The following PTPRD variants were observed in gnomAD, a reference collection of about 807,000 sequenced individuals.
PTPRD encodes protein tyrosine phosphatase receptor type D, also known as receptor-type tyrosine-protein phosphatase delta.
Under a neutral mutation model 214.5 loss-of-function variants are expected in PTPRD, and 34 were observed. That is an observed-to-expected ratio of 0.16 (90% CI 0.12 to 0.21). The LOEUF (loss-of-function observed/expected upper bound fraction) is 0.21, where lower values mean the gene tolerates loss of function less well. Among genes scored for constraint, PTPRD ranks in the 10% least tolerant of loss-of-function variants. The probability of loss-of-function intolerance (pLI) is 1.00; values close to 1 mark genes in which losing one functional copy is unlikely to be tolerated. For synonymous variants in PTPRD, 1,128 were observed against 845.7 expected, an observed-to-expected ratio of 1.33 and a Z score of -5.79; for missense variants, 2,545 against 2,398.7, an observed-to-expected ratio of 1.06 and a Z score of -1.27.
chr9:9,257,668 G>A (rs938267575), intron 9 of PTPRD, among the ~76,000 whole-genome samples: 4 of 151,806 alleles, frequency 2.6e-5, no homozygotes, highest in African/African-American at 7.3e-5. Context: ...GCATGATAAT[G>A]TGTGCCTACA....
At chr9:9,677,063 C>T (rs1461365232) in intron 7 of PTPRD, among the ~76,000 whole-genome samples, 1 of 151,870 alleles carries the variant, frequency 6.6e-6, no homozygotes, top group East Asian at 1.9e-4. Context: ...AAAATTTTCT[C>T]CCATTTTGTA....
intron 10 of PTPRD, among the ~76,000 whole-genome samples, chr9:9,076,290 A>G (rs1212808045): frequency 6.6e-6 from 1 of 152,140 alleles, no homozygotes; most frequent in Admixed American, 6.6e-5. Context: ...TCTGGATATT[A>G]GCCCTTTGTC....
rs201585206 is a variant in PTPRD at position 10,283,314 on chromosome 9, C to G, written c.-545+57649G>C. On this transcript the variant is annotated intron_variant, in intron 3 of 45. Coordinates refer to ENST00000381196, the MANE Select transcript of PTPRD (RefSeq NM_002839.4). ...TATGAATTCAGTGTTAGGTTTATTT[C>G]TATGATCTATTGTTTAACATATATC... is the stretch of plus-strand genomic sequence containing the variant. Among the ~76,000 whole-genome samples, 8 of 152,126 alleles carry G rather than the reference C, an allele frequency of 5.3e-5. No homozygotes were observed. The East Asian group carries it at 1.5e-3, about 29-fold the overall frequency.
chr9:10,127,562 A>C (rs2098829057), intron 3 of PTPRD, among the ~76,000 whole-genome samples: 1 of 152,298 alleles, frequency 6.6e-6, no homozygotes, highest in East Asian at 1.9e-4. Flanking sequence ...CAAGTAGGAC[A>C]CAACTTGGAA....
chr9:9,639,457 TA>T (rs2095868591), intron 7 of PTPRD, among the ~76,000 whole-genome samples: 1 of 152,216 alleles, frequency 6.6e-6, no homozygotes, highest in African/African-American at 2.4e-5. Flanking sequence ...TCAAAAGGCA[TA>T]GTTTCACTCT....
chr9:9,490,929 T>C (rs1029706222), intron 8 of PTPRD, among the ~76,000 whole-genome samples: 1 of 150,878 alleles, frequency 6.6e-6, no homozygotes. Context: ...TTAATATGAA[T>C]ATAAATGTAC....
chr9:10,505,908 A>C (rs1388621416), intron 2 of PTPRD, among the ~76,000 whole-genome samples: 14 of 152,174 alleles, frequency 9.2e-5, no homozygotes, highest in Non-Finnish European at 1.8e-4. Flanking sequence ...AAGCAGAAAA[A>C]TAATCAATAA....
intron 3 of PTPRD, among the ~76,000 whole-genome samples, chr9:10,162,838 C>A (rs555909842): frequency 5.3e-5 from 8 of 149,912 alleles, no homozygotes; most frequent in African/African-American, 1.5e-4. Flanking sequence ...TACACACAAA[C>A]ATTTTTTGGT....
At chr9:9,872,109 T>A (rs1482499295) in intron 5 of PTPRD, among the ~76,000 whole-genome samples, 3 of 152,082 alleles carry the variant, frequency 2.0e-5, no homozygotes, top group African/African-American at 7.2e-5. Flanking sequence ...TAATCACTCA[T>A]CAGTTTCATC....
chr9:9,722,798 T>C (rs183385102), intron 7 of PTPRD, among the ~76,000 whole-genome samples: 82 of 152,202 alleles, frequency 5.4e-4, no homozygotes, highest in Admixed American at 1.8e-3. Context: ...TGATTTGCCT[T>C]TCTTTGTTAA....
intron 9 of PTPRD, among the ~76,000 whole-genome samples, chr9:9,332,911 G>C (rs2042878804): frequency 6.6e-6 from 1 of 152,006 alleles, no homozygotes; most frequent in Non-Finnish European, 1.5e-5. Context: ...ATCATAAAAA[G>C]AACTCTTACG....
intron 7 of PTPRD, among the ~76,000 whole-genome samples, chr9:9,660,296 G>T (rs1002758479): frequency 6.6e-6 from 1 of 151,892 alleles, no homozygotes; most frequent in African/African-American, 2.4e-5. Flanking sequence ...CACATTAACA[G>T]AACATCTCCT....
At chr9:10,518,535 ATTT>A (rs370269291) in intron 2 of PTPRD, among the ~76,000 whole-genome samples, 1 of 145,868 alleles carries the variant, frequency 6.9e-6, no homozygotes, top group African/African-American at 2.5e-5. Context: ...ATCATTTACA[ATTT>A]TTTTTTTTTT....
In PTPRD at chr9:8,341,566, A is replaced by C. The variant is rs1003678197; in HGVS notation, c.4947+127T>G. Reference sequence around the variant, plus strand: ...GGGGAGGAATACATTTTATAATCATACACCTGAGGGAAAGGTCAAATGAAT... The same window carrying C: ...GGGGAGGAATACATTTTATAATCATCCACCTGAGGGAAAGGTCAAATGAAT... On this transcript the variant is annotated intron_variant, in intron 40 of 45. Coordinates refer to ENST00000381196, the MANE Select transcript of PTPRD (RefSeq NM_002839.4). 8.0e-6 allele frequency: 9 copies of C among 1,118,152 alleles called. No homozygotes were observed. In the East Asian group the frequency reaches 1.9e-4, roughly 24 times the overall value. The allele number at this position is 1,118,152 out of a possible 1,614,324, so 69.3% of individuals were successfully genotyped here. A position where few individuals can be genotyped will look rare whatever the true frequency, so the allele number is the denominator to read the frequency against.
intron 12 of PTPRD, among the ~76,000 whole-genome samples, chr9:8,728,066 G>T (rs1565606722): frequency 6.6e-6 from 1 of 152,026 alleles, no homozygotes; most frequent in Non-Finnish European, 1.5e-5. Context: ...TGACCAATAT[G>T]GAGAAACCCT....
chr9:8,893,129 A>G (rs2098556160), intron 11 of PTPRD, among the ~76,000 whole-genome samples: 1 of 152,174 alleles, frequency 6.6e-6, no homozygotes, highest in Non-Finnish European at 1.5e-5. Context: ...TATATATGAT[A>G]GAAGACATTT....
At chr9:10,413,556 T>A (rs1169151950) in intron 2 of PTPRD, among the ~76,000 whole-genome samples, 1 of 151,778 alleles carries the variant, frequency 6.6e-6, no homozygotes, top group Non-Finnish European at 1.5e-5. Context: ...CAGATTCAAT[T>A]CTATTCCTAT....
chr9:8,794,053 T>C (rs775153060), intron 11 of PTPRD, among the ~76,000 whole-genome samples: 1 of 152,204 alleles, frequency 6.6e-6, no homozygotes, highest in Non-Finnish European at 1.5e-5. Flanking sequence ...GTTGTCACAT[T>C]ATCATGCATT....
At chr9:9,511,992 C>T (rs745666572) in intron 8 of PTPRD, among the ~76,000 whole-genome samples, 13 of 151,622 alleles carry the variant, frequency 8.6e-5, no homozygotes, top group African/African-American at 1.9e-4. Flanking sequence ...GTCATAAATG[C>T]GACTTACAGA....
Sources: gnomAD v4.1 joint callset for allele counts (sites outside exome capture counted in the v4.1 genomes callset) on GRCh38, gnomAD v4.1.1 for gene constraint, MANE v1.5 for transcripts, NCBI Gene and HGNC (gene_info 2026-07-23, HGNC 2026-07-21) for gene names.